The following WASF3 variants were observed in gnomAD, a reference collection of about 807,000 sequenced individuals.
WASF3 encodes WASP family member 3.
Under a neutral mutation model 46.6 loss-of-function variants are expected in WASF3, and 11 were observed. The observed-to-expected ratio is 0.24, with a 90% confidence interval of 0.15 to 0.39. The LOEUF (loss-of-function observed/expected upper bound fraction) is 0.39. Ranked by LOEUF, WASF3 falls within the 10% of genes least tolerant of loss-of-function variation. The probability of loss-of-function intolerance (pLI) is 1.00; values close to 1 mark genes in which losing one functional copy is unlikely to be tolerated. For missense variants in WASF3, 576 were observed against 669.8 expected (o/e 0.86, Z 1.55); for synonymous variants, 242 against 259.7 (o/e 0.93, Z 0.65).
chr13:26,664,539 T>C (rs889841634), intron 3 of WASF3, among the ~76,000 whole-genome samples: 2 of 152,238 alleles, frequency 1.3e-5, no homozygotes, highest in African/African-American at 4.8e-5. Context: ...GCTATATACC[T>C]AGATTTCACA....
chr13:26,679,567 G>A lies in WASF3; in HGVS notation c.717-1487G>A, dbSNP rs1236500295. Among the ~76,000 whole-genome samples the A allele has an allele frequency of 6.6e-6, 1 of 152,142 alleles. No individual in the cohort carries two copies. The highest frequency in any genetic ancestry group is 6.5e-5 in the Admixed American group (1 of 15,268). ...CTCATCTCATCAGAAAGCTGTCCAT[G>A]TTTGGCTGGAGAACTCTGTTTCCTT... On this transcript the variant is annotated intron_variant, in intron 7 of 9. Transcript: ENST00000335327. The surrounding 1 kb of genome is among the most constrained non-coding windows in gnomAD (Gnocchi z 4.8).
At chr13:26,554,641 C>T (rs1263278124), upstream of WASF3, among the ~76,000 whole-genome samples, 1 of 152,308 alleles carries the variant, frequency 6.6e-6, no homozygotes, top group Non-Finnish European at 1.5e-5. Flanking sequence ...TAGAATCATA[C>T]AGTCTGTAGC....
chr13:26,639,356 T>C (rs1294514836), intron 2 of WASF3, among the ~76,000 whole-genome samples: 2 of 152,214 alleles, frequency 1.3e-5, no homozygotes, highest in Non-Finnish European at 1.5e-5. Context: ...GCAACAACAA[T>C]ATATGAAGTA....
chr13:26,555,947 T>C (rs1879087924), upstream of WASF3, among the ~76,000 whole-genome samples: 1 of 152,236 alleles, frequency 6.6e-6, no homozygotes, highest in Non-Finnish European at 1.5e-5. Context: ...TTTAAAGGAC[T>C]GGTTCACACA....
At chr13:26,654,002 T>A (rs1882394614) in intron 3 of WASF3, among the ~76,000 whole-genome samples, 1 of 152,174 alleles carries the variant, frequency 6.6e-6, no homozygotes, top group South Asian at 2.1e-4. Flanking sequence ...ATCAGAGACA[T>A]CCAGTCCAAT....
chr13:26,651,694 G>T (rs1689933342), intron 3 of WASF3, among the ~76,000 whole-genome samples: 1 of 152,022 alleles, frequency 6.6e-6, no homozygotes, highest in Admixed American at 6.6e-5. Context: ...AGTAAATATG[G>T]GATTAAATAG....
At chr13:26,541,870 C>G in the WASF3 span, among the ~76,000 whole-genome samples, 1 of 152,196 alleles carries the variant, frequency 6.6e-6, no homozygotes, top group Non-Finnish European at 1.5e-5. Context: ...CAGGAGAGGT[C>G]TCACTTTCCT....
chr13:26,553,443 T>C (rs571659631), upstream of WASF3, among the ~76,000 whole-genome samples: 1 of 152,098 alleles, frequency 6.6e-6, no homozygotes, highest in Non-Finnish European at 1.5e-5. Context: ...TCCAGACATT[T>C]TTATTTTGGA....
intron 2 of WASF3, among the ~76,000 whole-genome samples, chr13:26,613,992 A>T (rs577763957): frequency 6.6e-6 from 1 of 152,334 alleles, no homozygotes; most frequent in South Asian, 2.1e-4. Flanking sequence ...CCTCATATGC[A>T]GAATACTATC....
chr13:26,540,442 A>C, the WASF3 span, among the ~76,000 whole-genome samples: 3 of 152,168 alleles, frequency 2.0e-5, no homozygotes, highest in African/African-American at 7.2e-5. Context: ...AACCTCGAGC[A>C]TTGGCCTGGC....
the WASF3 span, among the ~76,000 whole-genome samples, chr13:26,543,557 G>T: frequency 6.6e-6 from 1 of 152,126 alleles, no homozygotes. Flanking sequence ...TGATTCTAGG[G>T]AAAGGAAGAG....
intron 1 of WASF3, among the ~76,000 whole-genome samples, chr13:26,570,462 C>CT (rs1593371526): frequency 6.6e-6 from 1 of 152,124 alleles, no homozygotes; most frequent in African/African-American, 2.4e-5. Context: ...ACCAGCCTCA[C>CT]TTTTCTAGTT....
At chr13:26,569,246 CAATT>C (rs151076840) in intron 1 of WASF3, among the ~76,000 whole-genome samples, 2,843 of 152,184 alleles carry the variant, frequency 0.019, 50 homozygotes, top group African/African-American at 0.05. Flanking sequence ...TTGAACAAAA[CAATT>C]AATAAAATTG....
intron 1 of WASF3, among the ~76,000 whole-genome samples, chr13:26,561,543 G>T (rs1198706272): frequency 3.3e-5 from 5 of 152,178 alleles, no homozygotes; most frequent in African/African-American, 4.8e-5. Context: ...ATAATCAGGA[G>T]TTGTCTGGAT....
chr13:26,581,789 A>G (rs975317205), intron 1 of WASF3, among the ~76,000 whole-genome samples: 11 of 152,232 alleles, frequency 7.2e-5, no homozygotes, highest in Admixed American at 5.2e-4. Context: ...TATGATCAGA[A>G]TAGAAGGCAT....
upstream of WASF3, among the ~76,000 whole-genome samples, chr13:26,555,354 G>A (rs981739066): frequency 6.6e-6 from 1 of 152,052 alleles, no homozygotes; most frequent in African/African-American, 2.4e-5. Context: ...ACTACATCAG[G>A]TACTGCCACT....
intron 6 of WASF3, among the ~76,000 whole-genome samples, chr13:26,675,348 T>G (rs771595405): frequency 7.2e-5 from 11 of 151,978 alleles, no homozygotes; most frequent in Non-Finnish European, 1.3e-4. Context: ...CCCAGAGCTC[T>G]CACACAGTCT....
At chr13:26,558,503 T>TC (rs1879177793) in intron 1 of WASF3, among the ~76,000 whole-genome samples, 1 of 144,980 alleles carries the variant, frequency 6.9e-6, no homozygotes, top group Non-Finnish European at 1.5e-5. Flanking sequence ...CGGGGTATCA[T>TC]CCCCGGGGGT....
intron 1 of WASF3, among the ~76,000 whole-genome samples, chr13:26,565,218 G>A (rs1879427676): frequency 6.6e-6 from 1 of 150,948 alleles, no homozygotes; most frequent in Non-Finnish European, 1.5e-5. Flanking sequence ...GTTTATAGAA[G>A]GGCTCATGAA....
Sources: gnomAD v4.1 joint callset for allele counts (sites outside exome capture counted in the v4.1 genomes callset) on GRCh38, gnomAD v4.1.1 for gene constraint, Gnocchi (gnomAD v3.1) non-coding constraint, MANE v1.5 for transcripts, NCBI Gene and HGNC (gene_info 2026-07-23, HGNC 2026-07-21) for gene names.